HECTD2: variants seen among roughly 807,000 people sequenced by gnomAD.
HECTD2 encodes HECT domain E3 ubiquitin protein ligase 2.
A neutral mutation model predicts 103.2 loss-of-function variants in HECTD2; 35 were observed. The ratio of observed to expected loss-of-function variants is 0.34; its 90% CI spans 0.26 to 0.45. The LOEUF (loss-of-function observed/expected upper bound fraction) is 0.45, where lower values mean the gene tolerates loss of function less well. Ranked by LOEUF, HECTD2 falls within the 20% of genes least tolerant of loss-of-function variation. The pLI is 1.00. For missense variants in HECTD2, 596 were observed against 937.4 expected (o/e 0.64, Z 4.76); for synonymous variants, 281 against 329.9 (o/e 0.85, Z 1.61).
chr10:91,433,787 C>T (rs1225064961), intron 2 of HECTD2, among the ~76,000 whole-genome samples: 1 of 151,874 alleles, frequency 6.6e-6, no homozygotes, highest in African/African-American at 2.4e-5. Flanking sequence ...CAGGACCTAG[C>T]ATTCGTGGTG....
At chr10:91,444,839 T>C (rs776209700) in intron 2 of HECTD2, among the ~76,000 whole-genome samples, 2 of 152,160 alleles carry the variant, frequency 1.3e-5, no homozygotes, top group Non-Finnish European at 2.9e-5. Context: ...AAAGCCAAAA[T>C]ATATTTATCA....
Position 91,487,860 on chromosome 10 carries a change from A to T in HECTD2, c.1191+82A>T. 4 of 858,992 alleles carry T rather than the reference A, an allele frequency of 4.7e-6. No individual in the cohort carries two copies. The highest frequency in any genetic ancestry group is 7.0e-6 in the Non-Finnish European group (4 of 568,258). The allele number at this position is 858,992 out of a possible 1,614,324, so 53.2% of individuals were successfully genotyped here. On this transcript the variant is annotated intron_variant, in intron 11 of 20. Transcript: ENST00000298068. This position sits in a 1 kb window ranked among gnomAD's most constrained non-coding sequence, Gnocchi z 4.1. ...TAATAAATAATTTAAATGTCTTGTGAATTGTTCTAGCATAATCAGGAATGT... is the reference window on the plus strand; with the variant it reads ...TAATAAATAATTTAAATGTCTTGTGTATTGTTCTAGCATAATCAGGAATGT...
intron 2 of HECTD2, among the ~76,000 whole-genome samples, chr10:91,451,760 G>A (rs887512186): frequency 2.0e-5 from 3 of 152,126 alleles, no homozygotes; most frequent in Non-Finnish European, 4.4e-5. Flanking sequence ...TGATGGTAGA[G>A]CCAAGGATAG....
chr10:91,465,800 A>G (rs959912928), intron 5 of HECTD2, among the ~76,000 whole-genome samples: 1 of 152,104 alleles, frequency 6.6e-6, no homozygotes, highest in African/African-American at 2.4e-5. Context: ...GTTGTGTTGT[A>G]TAATTCTTTT....
At chr10:91,491,411 T>C (rs1846473641) in intron 12 of HECTD2, 104 bp downstream of exon 12, 2 of 564,276 alleles carry the variant, frequency 3.5e-6, no homozygotes, top group South Asian at 2.4e-5. Flanking sequence ...CCAATAAGTG[T>C]GCTTCCTTAA....
chr10:91,477,406 A>C (rs527262442), intron 5 of HECTD2, among the ~76,000 whole-genome samples: 39 of 152,334 alleles, frequency 2.6e-4, no homozygotes, highest in African/African-American at 8.7e-4. Flanking sequence ...TCATAAACTT[A>C]AAGTATGTCC....
At chr10:91,451,322 G>A (rs1844816591) in intron 2 of HECTD2, among the ~76,000 whole-genome samples, 1 of 152,062 alleles carries the variant, frequency 6.6e-6, no homozygotes, top group African/African-American at 2.4e-5. Context: ...GTTGAACAAT[G>A]AGAACACAGG....
intron 1 of HECTD2, among the ~76,000 whole-genome samples, chr10:91,414,337 G>A (rs1196748008): frequency 6.6e-6 from 1 of 152,208 alleles, no homozygotes; most frequent in East Asian, 1.9e-4. Flanking sequence ...TGTGTCGAGA[G>A]AATTTGATGG....
At chr10:91,500,015 T>C (rs1405075594) in intron 18 of HECTD2, among the ~76,000 whole-genome samples, 1 of 152,158 alleles carries the variant, frequency 6.6e-6, no homozygotes, top group African/African-American at 2.4e-5. Context: ...AAGAATTAAA[T>C]AGCATAGCAT....
chr10:91,508,669 G>T (rs1303201703), intron 20 of HECTD2, among the ~76,000 whole-genome samples: 2 of 148,180 alleles, frequency 1.3e-5, no homozygotes, highest in South Asian at 2.1e-4. Context: ...CTTTTACACT[G>T]TTGGTGGGAC....
At chr10:91,415,488 A>G (rs1843090260) in intron 1 of HECTD2, among the ~76,000 whole-genome samples, 1 of 152,220 alleles carries the variant, frequency 6.6e-6, no homozygotes. Context: ...TAAATAATGC[A>G]ACCAAAAGCA....
At chr10:91,503,036 T>C (rs1046857600) in intron 20 of HECTD2, among the ~76,000 whole-genome samples, 21 of 152,342 alleles carry the variant, frequency 1.4e-4, no homozygotes, top group African/African-American at 4.3e-4. Context: ...AGGTCCACCA[T>C]TGAATATTCA....
chr10:91,454,711 G>A (rs11492696), intron 2 of HECTD2, among the ~76,000 whole-genome samples: 2 of 151,642 alleles, frequency 1.3e-5, no homozygotes, highest in South Asian at 2.1e-4. Flanking sequence ...TAATGCTATC[G>A]CTCCCCCCTC....
rs1331272506 is a variant in HECTD2, at chr10:91,439,853, G to C, written c.268+14443G>C. Among the ~76,000 whole-genome samples, 5 of 152,094 alleles carry C rather than the reference G, an allele frequency of 3.3e-5. No homozygotes were observed. In the East Asian group the frequency reaches 9.6e-4, roughly 29 times the overall value. On this transcript the variant is annotated intron_variant, in intron 2 of 20. Coordinates refer to ENST00000298068, the MANE Select transcript of HECTD2 (RefSeq NM_182765.6). ...TATTCTCTTTGTAGCAGTTATGAAT[G>C]GGAGTTCACTGATGATTTGGCTCTC...
At position 91,493,481 on chromosome 10, in the gene HECTD2, CT is replaced by C. The variant is rs1846551694; in HGVS notation, c.1495del (p.Tyr499IlefsTer13). ...GGTTTAGCAGCTTTAAATGTGATAA[CT>C]ATTCTGAATTCCGATTGGTTGGAAT... ...HWFSSFKCDN[Y>X]SEFRLVGILM... On this transcript the variant is annotated frameshift_variant, in exon 14 of 21. Transcript: ENST00000298068. LOFTEE classifies it high-confidence loss of function. The C allele has an allele frequency of 6.4e-7, 1 of 1,553,800 alleles. No individual in the cohort carries two copies.
At chr10:91,508,096 C>A (rs1205333265) in intron 20 of HECTD2, among the ~76,000 whole-genome samples, 1 of 98,884 alleles carries the variant, frequency 1.0e-5, no homozygotes, top group Admixed American at 1.0e-4. Context: ...TGGATCCCTT[C>A]CTTACACCTT....
Position 91,462,124 on chromosome 10 carries a change from T to C in HECTD2, c.540T>C (p.Ile180=). The change falls in exon 5 of 21, where the codon ATT becomes ATC. Residue 180 remains isoleucine (I), a synonymous_variant. Coordinates refer to ENST00000298068, the MANE Select transcript of HECTD2 (RefSeq NM_182765.6). ...ATGCCACTGCCTCATTTAACACCAT[T>C]GAAGACTCTGGGATTAATGCTAAAT... The part of the protein sequence containing the change: ...KKDATASFNT[I]EDSGINAKFV... The C allele has an allele frequency of 6.3e-7, 1 of 1,597,324 alleles. No homozygotes were observed. The highest frequency in any genetic ancestry group is 8.6e-7 in the Non-Finnish European group (1 of 1,166,638).
intron 1 of HECTD2, among the ~76,000 whole-genome samples, chr10:91,420,429 C>CAA (rs113416881): frequency 0.014 from 1,810 of 132,326 alleles, 38 homozygotes; most frequent in African/African-American, 0.045. Flanking sequence ...ACTAAGAATA[C>CAA]AAAAAAAAAA....
chr10:91,485,570 C>T (rs1418857663), intron 10 of HECTD2: 3 of 298,574 alleles, frequency 1.0e-5, no homozygotes, highest in Non-Finnish European at 1.8e-5. Context: ...AGTCTCTTAT[C>T]TCTTACTATT....
Sources: gnomAD v4.1 joint callset for allele counts (sites outside exome capture counted in the v4.1 genomes callset) on GRCh38, gnomAD v4.1.1 for gene constraint, Gnocchi (gnomAD v3.1) non-coding constraint, MANE v1.5 for transcripts, NCBI Gene and HGNC (gene_info 2026-07-23, HGNC 2026-07-21) for gene names.